Variants in SNAPC4 observed in about 807,000 individuals in gnomAD.
SNAPC4 encodes snRNA-activating protein complex subunit 4.
SNAPC4 carries 127 observed loss-of-function variants against 151.3 expected under a neutral mutation model. The observed-to-expected ratio is 0.84, with a 90% CI of 0.73 to 0.97. The LOEUF (loss-of-function observed/expected upper bound fraction) is 0.97, where lower values mean the gene tolerates loss of function less well. Among genes scored for constraint, SNAPC4 ranks in the 50% least tolerant of loss-of-function variants. The pLI, the probability that SNAPC4 is intolerant of heterozygous loss-of-function variation, is 0.00. For missense variants in SNAPC4, 2,186 were observed against 1,935.0 expected (o/e 1.13, Z -2.43); for synonymous variants, 1,002 against 824.4 (o/e 1.22, Z -3.69).
chr9:136,382,282 C>T lies in SNAPC4; in HGVS notation c.2038G>A (p.Ala680Thr). The change falls in exon 17 of 24, where the codon GCC becomes ACC. Residue 680 changes from alanine (A) to threonine (T), a missense_variant. Coordinates refer to ENST00000684778, the MANE Select transcript of SNAPC4 (RefSeq NM_003086.4). Reference protein sequence around the residue: ...PVETVLRVLRANTAARSCTQK... With the variant: ...PVETVLRVLRTNTAARSCTQK... ...GTGCAGCTCCGAGCAGCCGTGTTGG[C>T]CCTGAGCACCCTCAGCACGGTCTCC... The T allele has an allele frequency of 1.9e-6, 3 of 1,613,024 alleles. No individual in the cohort carries two copies. Among genetic ancestry groups the T allele is most frequent in the South Asian group, 2.2e-5 (2 of 91,072 alleles).
At chr9:136,380,902 G>T in intron 19 of SNAPC4, 52 bp from the exon 20 acceptor site, 1 of 1,118,602 alleles carries the variant, frequency 8.9e-7, no homozygotes, top group South Asian at 1.3e-5. Context: ...GAGCAGCTCC[G>T]AAGCTCCAGA....
At chr9:136,397,731 A>C (rs1383339620) in intron 2 of SNAPC4, among the ~76,000 whole-genome samples, 3 of 89,764 alleles carry the variant, frequency 3.3e-5, no homozygotes. Flanking sequence ...GGAGGAGAGC[A>C]CTTGGGGTGG....
chr9:136,375,956 G>C (rs926624540), intron 23 of SNAPC4, among the ~76,000 whole-genome samples, 156 bp from the exon 24 acceptor site: 1 of 152,242 alleles, frequency 6.6e-6, no homozygotes, highest in Non-Finnish European at 1.5e-5. Context: ...GCCAGGCCAG[G>C]GCACCAGGGC....
chr9:136,391,596 C>T lies in SNAPC4; in HGVS notation c.975+346G>A, dbSNP rs57384230. 4.3e-3 allele frequency among the ~76,000 whole-genome samples: 650 copies of T among 152,260 alleles called. 6 individuals are homozygous for T. Among genetic ancestry groups the T allele is most frequent in the African/African-American group, 0.015 (605 of 41,544 alleles). On this transcript the variant is annotated intron_variant, in intron 10 of 23. Coordinates refer to ENST00000684778, the MANE Select transcript of SNAPC4 (RefSeq NM_003086.4). ...ACCAGAAAAGCGGCAAGAACTCACACGAGGAAAAAGCGCTTTAGAAACATC... is the reference window on the plus strand; with the variant it reads ...ACCAGAAAAGCGGCAAGAACTCACATGAGGAAAAAGCGCTTTAGAAACATC...
chr9:136,375,847 G>C (rs1833426408), intron 23 of SNAPC4, 47 bp from the exon 24 acceptor site: 1 of 152,456 alleles, frequency 6.6e-6, no homozygotes, highest in Admixed American at 6.5e-5. Context: ...ACCCCAGCCA[G>C]ACCCCAAGCA....
At chr9:136,393,938 G>C (rs548631592) in intron 7 of SNAPC4, among the ~76,000 whole-genome samples, 1 of 152,236 alleles carries the variant, frequency 6.6e-6, no homozygotes, top group African/African-American at 2.4e-5. Context: ...TTGTTTTTGA[G>C]ACAGGGTCTC....
At position 136,395,434 on chromosome 9, in the gene SNAPC4, C is replaced by T; in HGVS notation, c.346-11G>A. The T allele has an allele frequency of 6.2e-7, 1 of 1,611,284 alleles. No individual in the cohort carries two copies. On this transcript the variant is annotated splice_polypyrimidine_tract_variant and intron_variant, in intron 4 of 23. Transcript: ENST00000684778. The stretch of plus-strand genomic sequence containing the variant: ...CCTCATGAGTTCCTCCTGTGACAGA[C>T]ACAAGGCAGGGACCCCTCTATGGAC...
chr9:136,395,821 C>T (rs1564395935), intron 3 of SNAPC4, 51 bp from the exon 4 acceptor site: 1 of 1,555,592 alleles, frequency 6.4e-7, no homozygotes, highest in Non-Finnish European at 8.8e-7. Context: ...TGGATGCTCC[C>T]CTGTCCTCGG....
intron 2 of SNAPC4, 58 bp from the exon 3 acceptor site, chr9:136,397,081 C>T (rs1834299973): frequency 3.5e-6 from 5 of 1,447,368 alleles, no homozygotes; most frequent in African/African-American, 2.8e-5. Flanking sequence ...AGGGTGGGGG[C>T]GCAGCTCACC....
Position 136,382,306 on chromosome 9 carries a change from C to G in SNAPC4, c.2014G>C (p.Glu672Gln). The G allele has an allele frequency of 6.2e-7, 1 of 1,613,164 alleles. No individual in the cohort carries two copies. The highest frequency in any genetic ancestry group is 1.1e-5 in the South Asian group (1 of 91,080). Residue 672 changes from glutamate (E) to glutamine (Q), a missense_variant, in exon 17 of 24, where the codon GAG becomes CAG. Glu to Gln is a conservative substitution (Grantham distance 29). Transcript: ENST00000684778. Reference protein sequence around the residue: ...GGRRLLTVPVETVLRVLRANT... With the variant: ...GGRRLLTVPVQTVLRVLRANT... ...GCCCTGAGCACCCTCAGCACGGTCT[C>G]CACAGGCACTGTCAGCAGACGCCTC...
At chr9:136,381,719 CT>C in intron 18 of SNAPC4, 104 bp downstream of exon 18, 1 of 1,433,506 alleles carries the variant, frequency 7.0e-7, no homozygotes, top group South Asian at 1.3e-5. Context: ...AAAGACTCCC[CT>C]GCTGAGGCCA....
At chr9:136,381,699 C>G in intron 18 of SNAPC4, 125 bp downstream of exon 18, 1 of 1,225,906 alleles carries the variant, frequency 8.2e-7, no homozygotes, top group Non-Finnish European at 1.1e-6. Flanking sequence ...AGAGGTGGCG[C>G]CCACCCCAAA....
intron 23 of SNAPC4, 64 bp from the exon 24 acceptor site, chr9:136,375,864 GGACA>G (rs1173767189): frequency 6.5e-6 from 1 of 152,928 alleles, no homozygotes; most frequent in Admixed American, 6.5e-5. Flanking sequence ...AGCAGGGCTG[GGACA>G]GACAAACAGG....
chr9:136,383,807 C>G lies in SNAPC4; in HGVS notation c.1501-139G>C. The G allele has an allele frequency of 2.2e-6, 3 of 1,354,058 alleles. No individual in the cohort carries two copies. The highest frequency in any genetic ancestry group is 2.1e-6 in the Non-Finnish European group (2 of 972,286). 83.9% of individuals were successfully genotyped at this position (1,354,058 alleles called of 1,614,324 possible). On this transcript the variant is annotated intron_variant, in intron 15 of 23. Transcript: ENST00000684778. This position sits in a 1 kb window ranked among gnomAD's most constrained non-coding sequence, Gnocchi z 4.2. Reference sequence around the variant, plus strand: ...AGAGCAGCCGCTGCCGAGGCAGGGTCTCCCTTTGCCCTTGGCCACCCAGAA... The same window carrying G: ...AGAGCAGCCGCTGCCGAGGCAGGGTGTCCCTTTGCCCTTGGCCACCCAGAA...
In SNAPC4 at chr9:136,383,542, CGCTGCT is replaced by C. The variant is rs147271628; in HGVS notation, c.1621_1626del (p.Ser541_Ser542del). The C allele has an allele frequency of 3.1e-4, 495 of 1,577,426 alleles. 1 individual carries two copies. Among genetic ancestry groups the C allele is most frequent in the East Asian group, 2.0e-3 (87 of 43,870 alleles). On this transcript the variant is annotated inframe_deletion, in exon 16 of 24. Transcript: ENST00000684778. This position sits in a 1 kb window ranked among gnomAD's most constrained non-coding sequence, Gnocchi z 4.2. ...TGCGCCTGCTCTGGCTCGTCCTCCT[CGCTGCT>C]GCTGCTGCTGCTGCTGCTGCTCCCT...
rs999863401 is a variant in SNAPC4 at position 136,387,999 on chromosome 9, G to A, written c.1124-151C>T. On this transcript the variant is annotated intron_variant, in intron 11 of 23. Transcript: ENST00000684778. ...AGAATCACTTTGGCCAGGTGCAGTG[G>A]CATCATGCCTGTCATCCCAGCACTT... 2.2e-5 allele frequency: 14 copies of A among 626,098 alleles called. No homozygotes were observed. In the African/African-American group the frequency reaches 2.4e-4, roughly 11 times the overall value. 38.8% of individuals were successfully genotyped at this position (626,098 alleles called of 1,614,324 possible). A position where few individuals can be genotyped will look rare whatever the true frequency, so the allele number is the denominator to read the frequency against.
At chr9:136,392,996 C>A (rs1413425666) in intron 7 of SNAPC4, among the ~76,000 whole-genome samples, 2 of 152,204 alleles carry the variant, frequency 1.3e-5, no homozygotes, top group Non-Finnish European at 2.9e-5. Context: ...GACACAGAGG[C>A]TACCGCCTGC....
chr9:136,390,606 G>A (rs1258527893), intron 10 of SNAPC4, among the ~76,000 whole-genome samples: 5 of 143,388 alleles, frequency 3.5e-5, no homozygotes, highest in East Asian at 4.1e-4. Flanking sequence ...ATGAGCTAAC[G>A]CAAGCTGGGC....
At chr9:136,396,708 G>A (rs1051002130) in intron 3 of SNAPC4, among the ~76,000 whole-genome samples, 49 of 152,342 alleles carry the variant, frequency 3.2e-4, no homozygotes, top group Non-Finnish European at 4.0e-4. Flanking sequence ...ACAGCTTTCC[G>A]CAAGTGACAG....
Sources: gnomAD v4.1 joint callset for allele counts (sites outside exome capture counted in the v4.1 genomes callset) on GRCh38, gnomAD v4.1.1 for gene constraint, Gnocchi (gnomAD v3.1) non-coding constraint, MANE v1.5 for transcripts, NCBI Gene and HGNC (gene_info 2026-07-23, HGNC 2026-07-21) for gene names.